The following ITGAV variants were observed in gnomAD, a reference collection of about 807,000 sequenced individuals.
ITGAV encodes the protein integrin subunit alpha V.
In ITGAV, 76 loss-of-function variants were observed where a neutral mutation model predicts 143.8. The observed-to-expected ratio is 0.53, with a 90% CI of 0.44 to 0.64. The LOEUF is 0.64. Ranked by LOEUF, ITGAV falls within the 30% of genes least tolerant of loss-of-function variation. ITGAV has a pLI of 0.00. For missense variants in ITGAV, 1,193 were observed against 1,274.7 expected, an observed-to-expected ratio of 0.94 and a Z score of 0.98; for synonymous variants, 453 against 446.7, an observed-to-expected ratio of 1.01 and a Z score of -0.18.
rs758346373 is a variant in ITGAV, at chr2:186,652,096, G to T, written c.1505+7G>T. The T allele has an allele frequency of 2.6e-6, 4 of 1,516,408 alleles. No individual in the cohort carries two copies. The highest frequency in any genetic ancestry group is 1.4e-5 in the African/African-American group (1 of 72,836). 93.9% of individuals were successfully genotyped at this position (1,516,408 alleles called of 1,614,324 possible). A position where few individuals can be genotyped will look rare whatever the true frequency, so the allele number is the denominator to read the frequency against. On this transcript the variant is annotated splice_region_variant and intron_variant, in intron 15 of 29. Coordinates refer to ENST00000261023, the MANE Select transcript of ITGAV (RefSeq NM_002210.5). The stretch of plus-strand genomic sequence containing the variant: ...CAGCTCTCAAAGTTTCCTGGTAAGG[G>T]TATTTGTTTAATAATAGTTATTATT...
rs79211975 is a variant in ITGAV, at chr2:186,662,379, G to A, written c.1858-1389G>A. Reference sequence around the variant, plus strand: ...TTTTGTGTTTCCTTCAAATTAAAACGACAGTTACGAATCTTTGTCCAATAT... The same window carrying A: ...TTTTGTGTTTCCTTCAAATTAAAACAACAGTTACGAATCTTTGTCCAATAT... On this transcript the variant is annotated intron_variant, in intron 18 of 29. Coordinates refer to ENST00000261023, the MANE Select transcript of ITGAV (RefSeq NM_002210.5). Among the ~76,000 whole-genome samples, 679 of 151,934 alleles carry A rather than the reference G, an allele frequency of 4.5e-3. 2 individuals are homozygous for A. The highest frequency in any genetic ancestry group is 0.016 in the African/African-American group (652 of 41,506).
At chr2:186,669,624 A>G in intron 25 of ITGAV, 77 bp from the exon 26 acceptor site, 1 of 947,952 alleles carries the variant, frequency 1.1e-6, no homozygotes, top group Non-Finnish European at 1.6e-6. Flanking sequence ...ATCATATCTA[A>G]GAGTTTATAT....
intron 13 of ITGAV, among the ~76,000 whole-genome samples, chr2:186,648,916 G>A (rs1270870210): frequency 2.7e-5 from 4 of 147,292 alleles, no homozygotes; most frequent in Admixed American, 6.8e-5. Context: ...TCATTTGTGT[G>A]TATATATATA....
Position 186,590,350 on chromosome 2 carries a change from G to C in ITGAV, c.12G>C (p.Pro4=). The C allele has an allele frequency of 6.3e-7, 1 of 1,582,180 alleles. No homozygotes were observed. Among genetic ancestry groups the C allele is most frequent in the South Asian group, 1.1e-5 (1 of 88,174 alleles). Residue 4 remains proline, a synonymous_variant, in exon 1 of 30, where the codon CCG becomes CCC. Coordinates refer to ENST00000261023, the MANE Select transcript of ITGAV (RefSeq NM_002210.5). The part of the protein sequence containing the change: MAF[P]PRRRLRLGPR... ...CGCGCACTTCGGCGATGGCTTTTCC[G>C]CCGCGGCGACGGCTGCGCCTCGGTC...
intron 21 of ITGAV, 100 bp from the exon 22 acceptor site, chr2:186,666,604 A>G: frequency 1.7e-6 from 1 of 579,316 alleles, no homozygotes; most frequent in South Asian, 3.5e-5. Context: ...AAGCTCAGAA[A>G]AACCCCATTT....
At chr2:186,627,666 C>G (rs1687709669) in intron 4 of ITGAV, among the ~76,000 whole-genome samples, 1 of 152,130 alleles carries the variant, frequency 6.6e-6, no homozygotes, top group Non-Finnish European at 1.5e-5. Context: ...GGAATACAGC[C>G]ACACCCATTT....
In ITGAV at chr2:186,656,420, G is replaced by T; in HGVS notation, c.1719+19G>T. The T allele has an allele frequency of 2.1e-6, 3 of 1,451,656 alleles. No homozygotes were observed. Among genetic ancestry groups the T allele is most frequent in the South Asian group, 1.5e-5 (1 of 64,682 alleles). The allele number at this position is 1,451,656 out of a possible 1,614,324, so 89.9% of individuals were successfully genotyped here. A position where few individuals can be genotyped will look rare whatever the true frequency, so the allele number is the denominator to read the frequency against. On this transcript the variant is annotated intron_variant, in intron 17 of 29. Transcript: ENST00000261023. ...TCTGCGGGTAAGAGCTAACTTTTCT[G>T]CTACCTTGTTGTTCCTTTTTAGTCA... is the stretch of plus-strand genomic sequence containing the variant.
chr2:186,618,479 CT>C (rs1368436131), intron 2 of ITGAV, among the ~76,000 whole-genome samples: 1 of 152,186 alleles, frequency 6.6e-6, no homozygotes, highest in Non-Finnish European at 1.5e-5. Context: ...ATATCCATAA[CT>C]GTTAAGGCAA....
chr2:186,590,645 C>T, intron 1 of ITGAV, 122 bp downstream of exon 1: 1 of 882,156 alleles, frequency 1.1e-6, no homozygotes, highest in Non-Finnish European at 1.7e-6. Context: ...ACCCATCCTA[C>T]CTCTCAGAGT....
intron 13 of ITGAV, among the ~76,000 whole-genome samples, 164 bp downstream of exon 13, chr2:186,647,041 A>T (rs574593522): frequency 1.3e-5 from 2 of 152,348 alleles, no homozygotes; most frequent in Admixed American, 6.5e-5. Context: ...ACCTAAGGGT[A>T]TATGAAGAAA....
At position 186,654,545 on chromosome 2, in the gene ITGAV, G is replaced by T. The variant is rs570784514; in HGVS notation, c.1506-105G>T. ...ATTAAGACATGAAGAAAGATGTAAG[G>T]CTTCACAATACAAACTATGTAGTAG... On this transcript the variant is annotated intron_variant, in intron 15 of 29. Transcript: ENST00000261023. 2.6e-5 allele frequency: 15 copies of T among 570,680 alleles called. No homozygotes were observed. In the South Asian group the frequency reaches 3.3e-4, roughly 13 times the overall value. The allele number at this position is 570,680 out of a possible 1,614,324, so 35.4% of individuals were successfully genotyped here.
At chr2:186,602,212 G>C in intron 2 of ITGAV, 61 bp downstream of exon 2, 1 of 1,470,354 alleles carries the variant, frequency 6.8e-7, no homozygotes, top group Non-Finnish European at 9.4e-7. Context: ...TTTGCAATTG[G>C]TTTAGTTTAA....
chr2:186,622,441 T>G lies in ITGAV; in HGVS notation c.408+11T>G, dbSNP rs751792035. The G allele has an allele frequency of 1.9e-6, 3 of 1,539,362 alleles. No individual in the cohort carries two copies. Among genetic ancestry groups the G allele is most frequent in the Non-Finnish European group, 2.7e-6 (3 of 1,112,410 alleles). On this transcript the variant is annotated intron_variant, in intron 3 of 29. Coordinates refer to ENST00000261023, the MANE Select transcript of ITGAV (RefSeq NM_002210.5). The stretch of plus-strand genomic sequence containing the variant: ...CAGGATAAAATTTTGGTGAGTCTTC[T>G]GGATATTTACTTACAGGTGATTTTA...
At position 186,590,205 on chromosome 2, in the gene ITGAV, C is replaced by T; in HGVS notation, c.-134C>T. The T allele has an allele frequency of 1.4e-6, 1 of 724,272 alleles. No homozygotes were observed. Among genetic ancestry groups the T allele is most frequent in the Non-Finnish European group, 2.0e-6 (1 of 501,618 alleles). 44.9% of individuals were successfully genotyped at this position (724,272 alleles called of 1,614,324 possible). On this transcript the variant is annotated 5_prime_UTR_variant, in exon 1 of 30. Transcript: ENST00000261023. ...CCCTCTTGCCTGCCCCGGAGCTGTC[C>T]CGGGCTAGCCGAGAAGAGAGCGGCC...
At chr2:186,640,749 C>T (rs944239461) in intron 10 of ITGAV, among the ~76,000 whole-genome samples, 166 bp from the exon 11 acceptor site, 6 of 152,162 alleles carry the variant, frequency 3.9e-5, no homozygotes, top group African/African-American at 1.4e-4. Flanking sequence ...AGCCTCATTA[C>T]CTGATTGTCA....
chr2:186,617,938 A>G (rs1031347962), intron 2 of ITGAV, among the ~76,000 whole-genome samples: 1 of 152,190 alleles, frequency 6.6e-6, no homozygotes, highest in African/African-American at 2.4e-5. Flanking sequence ...GTGTGTCAGC[A>G]TAGTCCAGGC....
At chr2:186,659,523 T>G (rs1046304657) in intron 18 of ITGAV, among the ~76,000 whole-genome samples, 1 of 152,014 alleles carries the variant, frequency 6.6e-6, no homozygotes, top group Non-Finnish European at 1.5e-5. Flanking sequence ...ATTTTTGATA[T>G]TTTAATTTTA....
At chr2:186,638,847 A>C (rs1352537740) in intron 10 of ITGAV, among the ~76,000 whole-genome samples, 1 of 150,512 alleles carries the variant, frequency 6.6e-6, no homozygotes, top group African/African-American at 2.4e-5. Flanking sequence ...TAAATATTTC[A>C]TCTTTGTTTT....
Position 186,622,365 on chromosome 2 carries a change from C to G in ITGAV, c.343C>G (p.Pro115Ala), listed in dbSNP as rs770730648. Residue 115 changes from proline (P) to alanine (A), a missense_variant, in exon 3 of 30, where the codon CCA becomes GCA. Transcript: ENST00000261023. ...CAATAGAGATTATGCCAAGGATGAT[C>G]CATTGGAATTTAAGTCCCATCAGTG... is the stretch of plus-strand genomic sequence containing the variant. ...TGNRDYAKDD[P>A]LEFKSHQWFG... 6.2e-7 allele frequency: 1 copy of G among 1,612,934 alleles called. No individual in the cohort carries two copies. The highest frequency in any genetic ancestry group is 8.5e-7 in the Non-Finnish European group (1 of 1,179,022).
Sources: gnomAD v4.1 joint callset for allele counts (sites outside exome capture counted in the v4.1 genomes callset) on GRCh38, gnomAD v4.1.1 for gene constraint, MANE v1.5 for transcripts, NCBI Gene and HGNC (gene_info 2026-07-23, HGNC 2026-07-21) for gene names.